GRIK3: variants seen among roughly 807,000 people sequenced by gnomAD.
GRIK3 encodes glutamate ionotropic receptor kainate type subunit 3.
GRIK3 carries 29 observed loss-of-function variants against 102.5 expected under a neutral mutation model. That is an observed-to-expected ratio of 0.28 (90% CI 0.21 to 0.39). The LOEUF (loss-of-function observed/expected upper bound fraction) is 0.39. GRIK3 is among the 10% of genes least tolerant of loss of function. GRIK3 has a pLI of 1.00. For synonymous variants in GRIK3, 511 were observed against 504.9 expected, an observed-to-expected ratio of 1.01 and a Z score of -0.16; for missense variants, 908 against 1,252.4, an observed-to-expected ratio of 0.73 and a Z score of 4.15.
chr1:36,921,054 G>A (rs866632650), intron 1 of GRIK3, among the ~76,000 whole-genome samples: 2 of 152,236 alleles, frequency 1.3e-5, no homozygotes, highest in Non-Finnish European at 2.9e-5. Flanking sequence ...GGGCATGGCG[G>A]GGCAGCCTCC....
At chr1:37,023,225 G>A (rs916875753) in intron 1 of GRIK3, among the ~76,000 whole-genome samples, 1 of 151,968 alleles carries the variant, frequency 6.6e-6, no homozygotes, top group Admixed American at 6.5e-5. Flanking sequence ...TACTTGGGAG[G>A]CTGAGGCAGG....
chr1:36,906,792 A>G (rs1332477810), intron 1 of GRIK3, among the ~76,000 whole-genome samples: 1 of 152,204 alleles, frequency 6.6e-6, no homozygotes, highest in East Asian at 1.9e-4. Flanking sequence ...CATGGGTACA[A>G]ATATATAGCT....
chr1:37,033,305 C>T (rs1433388048), intron 1 of GRIK3, among the ~76,000 whole-genome samples: 1 of 152,248 alleles, frequency 6.6e-6, no homozygotes, highest in East Asian at 1.9e-4. Context: ...GGGCCGCCTG[C>T]CCGGGCCGCA....
Position 36,848,785 on chromosome 1 carries a change from G to GTT in GRIK3, c.1326+1524_1326+1525dup, listed in dbSNP as rs745603404. Among the ~76,000 whole-genome samples the GTT allele has an allele frequency of 2.2e-3, 315 of 140,532 alleles. 3 individuals are homozygous for GTT. Among genetic ancestry groups the GTT allele is most frequent in the Non-Finnish European group, 3.0e-3 (193 of 64,666 alleles). The allele number at this position is 140,532 out of a possible 152,430, so 92.2% of individuals were successfully genotyped here. A position where few individuals can be genotyped will look rare whatever the true frequency, so the allele number is the denominator to read the frequency against. On this transcript the variant is annotated intron_variant, in intron 9 of 15. Coordinates refer to ENST00000373091, the MANE Select transcript of GRIK3 (RefSeq NM_000831.4). ...CATCCTTTACATTTTTACATCACAG[G>GTT]TTTTTTTTTTTTTTAACCCTGTTCC...
At position 36,959,318 on chromosome 1, in the gene GRIK3, A is replaced by G. The variant is rs566699587; in HGVS notation, c.116-68222T>C. ...TGTGCCCTGTGAGCCTCTGTGCCCC[A>G]TGACTCTGTGTGCCCGGTGAGCCTG... On this transcript the variant is annotated intron_variant, in intron 1 of 15. Coordinates refer to ENST00000373091, the MANE Select transcript of GRIK3 (RefSeq NM_000831.4). Among the ~76,000 whole-genome samples the G allele has an allele frequency of 6.8e-3, 676 of 98,838 alleles. 84 individuals are homozygous for G. The highest frequency in any genetic ancestry group is 0.018 in the Middle Eastern group (2 of 114). The allele number at this position is 98,838 out of a possible 152,430, so 64.8% of individuals were successfully genotyped here.
chr1:37,031,651 A>C (rs1031548520), intron 1 of GRIK3, among the ~76,000 whole-genome samples: 1 of 152,244 alleles, frequency 6.6e-6, no homozygotes, highest in African/African-American at 2.4e-5. Context: ...AGCACCTAGC[A>C]CACTCCAGAG....
intron 1 of GRIK3, among the ~76,000 whole-genome samples, chr1:36,936,071 C>A (rs1431655836): frequency 1.3e-5 from 2 of 152,134 alleles, no homozygotes; most frequent in Non-Finnish European, 2.9e-5. Context: ...ATTTTGGCCA[C>A]AGGGGGAGAT....
intron 1 of GRIK3, among the ~76,000 whole-genome samples, chr1:36,975,368 C>T (rs1642185439): frequency 1.4e-5 from 2 of 147,302 alleles, no homozygotes; most frequent in Admixed American, 6.9e-5. Flanking sequence ...GATCTCAGCT[C>T]ACTGCAACCT....
At chr1:36,813,607 C>T (rs1642587840) in intron 13 of GRIK3, among the ~76,000 whole-genome samples, 1 of 152,186 alleles carries the variant, frequency 6.6e-6, no homozygotes, top group Admixed American at 6.5e-5. Flanking sequence ...CTCAGGTCTC[C>T]TTCCAGCTCT....
chr1:36,985,657 A>G (rs1340163672), intron 1 of GRIK3, among the ~76,000 whole-genome samples: 1 of 152,160 alleles, frequency 6.6e-6, no homozygotes, highest in African/African-American at 2.4e-5. Flanking sequence ...GGGCAGAGGA[A>G]AGGCCCAGGG....
intron 1 of GRIK3, among the ~76,000 whole-genome samples, chr1:36,983,267 G>A (rs567212722): frequency 1.1e-4 from 17 of 152,130 alleles, no homozygotes; most frequent in South Asian, 4.2e-4. Flanking sequence ...ATTGTAACAC[G>A]TATGAAAGCA....
At chr1:36,875,338 C>T (rs1372986939) in intron 3 of GRIK3, among the ~76,000 whole-genome samples, 1 of 152,216 alleles carries the variant, frequency 6.6e-6, no homozygotes. Context: ...GCACAAAGCT[C>T]GTGGGGCAAA....
At position 36,850,110 on chromosome 1, in the gene GRIK3, C is replaced by T. The variant is rs903383529; in HGVS notation, c.1326+201G>A. ...AGTGAGTGGGAGTGAGACACAAAAA[C>T]GCAGCGGCTTCCGCCCGTGGCAGCG... On this transcript the variant is annotated intron_variant, in intron 9 of 15. Transcript: ENST00000373091. This position sits in a 1 kb window ranked among gnomAD's most constrained non-coding sequence, Gnocchi z 4.0. 9.7e-5 allele frequency: 55 copies of T among 565,240 alleles called. No homozygotes were observed. Among genetic ancestry groups the T allele is most frequent in the South Asian group, 2.1e-4 (10 of 46,848 alleles). 35.0% of individuals were successfully genotyped at this position (565,240 alleles called of 1,614,324 possible).
chr1:36,848,854 A>T (rs1465875333), intron 9 of GRIK3, among the ~76,000 whole-genome samples: 1 of 149,514 alleles, frequency 6.7e-6, no homozygotes, highest in Non-Finnish European at 1.5e-5. Context: ...ACTGATTTTT[A>T]TATTTGTTTA....
intron 1 of GRIK3, among the ~76,000 whole-genome samples, chr1:36,910,976 A>C (rs769692887): frequency 5.3e-5 from 8 of 152,152 alleles, no homozygotes; most frequent in Non-Finnish European, 7.4e-5. Flanking sequence ...GACTCAGAGG[A>C]GAGGGCATCT....
chr1:36,952,489 G>A (rs2124336418), intron 1 of GRIK3, among the ~76,000 whole-genome samples: 1 of 152,356 alleles, frequency 6.6e-6, no homozygotes, highest in East Asian at 1.9e-4. Context: ...GACCACTAGT[G>A]AGTTTCTTCA....
At chr1:36,928,578 G>C (rs1435925590) in intron 1 of GRIK3, among the ~76,000 whole-genome samples, 1 of 152,178 alleles carries the variant, frequency 6.6e-6, no homozygotes, top group Non-Finnish European at 1.5e-5. Context: ...TGTAGGTTCA[G>C]CTTAATGGTA....
intron 1 of GRIK3, among the ~76,000 whole-genome samples, chr1:36,957,249 C>A (rs537052457): frequency 6.6e-6 from 1 of 152,332 alleles, no homozygotes; most frequent in South Asian, 2.1e-4. Flanking sequence ...CTTCCATGAG[C>A]CTCTGTGCTC....
intron 1 of GRIK3, among the ~76,000 whole-genome samples, chr1:36,967,051 T>C (rs1437886884): frequency 6.6e-6 from 1 of 152,218 alleles, no homozygotes; most frequent in East Asian, 1.9e-4. Context: ...GTATCAGGTC[T>C]TGTGTTGGGC....
Sources: allele counts gnomAD v4.1 joint callset (sites outside exome capture counted in the v4.1 genomes callset), GRCh38; gene constraint gnomAD v4.1.1; non-coding constraint Gnocchi (gnomAD v3.1); transcripts MANE v1.5; gene names NCBI Gene and HGNC (gene_info 2026-07-23, HGNC 2026-07-21).